The following DPH6 variants were observed in gnomAD, a reference collection of about 807,000 sequenced individuals.
The protein encoded by DPH6 is diphthine--ammonia ligase.
In DPH6, 33 loss-of-function variants were observed where a neutral mutation model predicts 38.2. The observed-to-expected ratio is 0.86, with a 90% confidence interval of 0.65 to 1.15. The LOEUF (loss-of-function observed/expected upper bound fraction) is 1.15, where lower values mean the gene tolerates loss of function less well. Ranked by LOEUF, DPH6 falls within the 50% of genes most tolerant of loss-of-function variation. DPH6 has a pLI of 0.00. For synonymous variants in DPH6, 108 were observed against 103.0 expected (o/e 1.05, Z -0.30); for missense variants, 325 against 320.0 (o/e 1.02, Z -0.12).
chr15:35,177,049 T>A, the DPH6 span, among the ~76,000 whole-genome samples: 1 of 152,202 alleles, frequency 6.6e-6, no homozygotes, highest in South Asian at 2.1e-4. Context: ...CAATGAATGC[T>A]ACTATTCCAC....
chr15:35,242,403 G>C (rs4924693), intron 3 of DPH6, among the ~76,000 whole-genome samples: 18,382 of 141,796 alleles, frequency 0.13, 4,029 homozygotes, highest in East Asian at 0.54. Context: ...TTTTAGCCTA[G>C]CCCTCATGTC....
rs553729498 is a variant in DPH6 at position 35,364,699 on chromosome 15, T to G, written n.207+8822A>C. ...TTTTTAACCCACTTTGTTTTCAATT[T>G]TTTTTTTCCTTTTTCTTTTGTTTCC... On this transcript the variant is annotated intron_variant and non_coding_transcript_variant, in intron 3 of 3. Coordinates refer to the DPH6 transcript ENST00000558973. Among the ~76,000 whole-genome samples, 13 of 152,210 alleles carry G rather than the reference T, an allele frequency of 8.5e-5. No individual in the cohort carries two copies. The South Asian group carries it at 2.3e-3, about 27-fold the overall frequency.
At chr15:35,522,667 T>C (rs1015819941) in intron 3 of DPH6, among the ~76,000 whole-genome samples, 1 of 152,066 alleles carries the variant, frequency 6.6e-6, no homozygotes, top group African/African-American at 2.4e-5. Context: ...CCCAATACCA[T>C]TCAGTGCATT....
At chr15:35,274,822 A>T (rs2051846655) in intron 3 of DPH6, among the ~76,000 whole-genome samples, 2 of 152,170 alleles carry the variant, frequency 1.3e-5, no homozygotes, top group South Asian at 2.1e-4. Context: ...ACCGTTGTGG[A>T]TGACAGTGCG....
intron 4 of DPH6, among the ~76,000 whole-genome samples, chr15:35,452,600 T>C (rs1272373451): frequency 2.0e-5 from 3 of 152,188 alleles, no homozygotes; most frequent in Non-Finnish European, 2.9e-5. Context: ...CATTTACATA[T>C]ACCCTGACTT....
intron 3 of DPH6, among the ~76,000 whole-genome samples, chr15:35,528,501 A>G (rs1344351057): frequency 6.6e-6 from 1 of 152,148 alleles, no homozygotes; most frequent in East Asian, 1.9e-4. Context: ...CATCAAGTCC[A>G]ATCAATCTCT....
At chr15:35,167,825 C>A in the DPH6 span, among the ~76,000 whole-genome samples, 1 of 151,966 alleles carries the variant, frequency 6.6e-6, no homozygotes, top group East Asian at 1.9e-4. Flanking sequence ...CATCACCTAC[C>A]CAAATTATGA....
the DPH6 span, among the ~76,000 whole-genome samples, chr15:35,197,792 C>T: frequency 4.8e-4 from 73 of 152,296 alleles, no homozygotes; most frequent in African/African-American, 1.7e-3. Flanking sequence ...AAGTGCCCTC[C>T]TTAAAATGCA....
intron 3 of DPH6, among the ~76,000 whole-genome samples, chr15:35,223,212 C>CAAGGCATGGAAGGCATCACATGG (rs2051454090): frequency 6.6e-6 from 1 of 152,092 alleles, no homozygotes; most frequent in Non-Finnish European, 1.5e-5. Flanking sequence ...CTGCATCATG[C>CAAGGCATGGAAGGCATCACATGG]TATGATGGAA....
chr15:35,417,314 A>G (rs1315779136), intron 5 of DPH6, among the ~76,000 whole-genome samples: 2 of 152,078 alleles, frequency 1.3e-5, no homozygotes, highest in Non-Finnish European at 2.9e-5. Flanking sequence ...CTTATCTATA[A>G]TTATGAAGCT....
intron 3 of DPH6, among the ~76,000 whole-genome samples, chr15:35,496,567 A>AAAAAAATATATATATATATATATAT: frequency 2.9e-4 from 9 of 31,004 alleles, no homozygotes; most frequent in African/African-American, 1.1e-3. Context: ...AAAAAAAAAA[A>AAAAAAATATATATATATATATATAT]ATATATATAT....
intron 6 of DPH6, among the ~76,000 whole-genome samples, chr15:35,396,608 A>AC: frequency 6.6e-6 from 1 of 152,228 alleles, no homozygotes; most frequent in South Asian, 2.1e-4. Flanking sequence ...CACAACATGT[A>AC]ATTTTTTTCC....
At chr15:35,399,534 T>A (rs903774544) in intron 6 of DPH6, among the ~76,000 whole-genome samples, 23 of 152,282 alleles carry the variant, frequency 1.5e-4, no homozygotes, top group Non-Finnish European at 2.8e-4. Context: ...TGAGTATTAT[T>A]CCTGTTCCAG....
intron 3 of DPH6, among the ~76,000 whole-genome samples, chr15:35,472,814 G>A (rs1292363911): frequency 1.3e-5 from 2 of 150,752 alleles, no homozygotes; most frequent in Admixed American, 6.6e-5. Flanking sequence ...TCCAGATAGA[G>A]CAAAACATAG....
rs188471821 is a variant in DPH6, at chr15:35,426,244, T to A, written c.506-15348A>T. Reference sequence around the variant, plus strand: ...AAATTCTCTGCTAAGGTACTTTGCATAAAGGTAGAAATATATTCAAATCAC... The same window carrying A: ...AAATTCTCTGCTAAGGTACTTTGCAAAAAGGTAGAAATATATTCAAATCAC... On this transcript the variant is annotated intron_variant, in intron 5 of 8. Coordinates refer to ENST00000256538, the MANE Select transcript of DPH6 (RefSeq NM_080650.4). Among the ~76,000 whole-genome samples the A allele has an allele frequency of 4.8e-3, 730 of 151,846 alleles. 3 individuals carry two copies. The highest frequency in any genetic ancestry group is 0.017 in the African/African-American group (701 of 41,510).
chr15:35,317,235 C>T (rs2052197966), intron 3 of DPH6, among the ~76,000 whole-genome samples: 1 of 148,666 alleles, frequency 6.7e-6, no homozygotes, highest in South Asian at 2.1e-4. Flanking sequence ...CCACTCCAGC[C>T]TGGGTGACAG....
At chr15:35,196,622 G>A in the DPH6 span, among the ~76,000 whole-genome samples, 3 of 152,210 alleles carry the variant, frequency 2.0e-5, no homozygotes, top group African/African-American at 4.8e-5. Context: ...AAATTTGATG[G>A]TGGCTTTCTG....
intron 3 of DPH6, among the ~76,000 whole-genome samples, chr15:35,483,489 A>C (rs28881294): frequency 6.6e-6 from 1 of 151,784 alleles, no homozygotes; most frequent in South Asian, 2.1e-4. Context: ...AAAAAAAACC[A>C]AAAAAACCAT....
chr15:35,482,897 G>T (rs2054345310), intron 3 of DPH6, among the ~76,000 whole-genome samples: 1 of 151,860 alleles, frequency 6.6e-6, no homozygotes, highest in South Asian at 2.1e-4. Flanking sequence ...GAAAAGATAA[G>T]CCATGAACTG....
Sources: gnomAD v4.1 joint callset for allele counts (sites outside exome capture counted in the v4.1 genomes callset) on GRCh38, gnomAD v4.1.1 for gene constraint, MANE v1.5 for transcripts, NCBI Gene and HGNC (gene_info 2026-07-23, HGNC 2026-07-21) for gene names.